The following KCNIP1 variants were observed in gnomAD, a reference collection of about 807,000 sequenced individuals.
The protein encoded by KCNIP1 is potassium voltage-gated channel interacting protein 1.
In KCNIP1, 18 loss-of-function variants were observed where a neutral mutation model predicts 33.0. The ratio of observed to expected loss-of-function variants is 0.55; its 90% CI spans 0.38 to 0.81. KCNIP1 has a LOEUF of 0.81. KCNIP1 is among the 30% of genes least tolerant of loss of function. The pLI is 0.00. For missense variants in KCNIP1, 238 were observed against 271.6 expected, an observed-to-expected ratio of 0.88 and a Z score of 0.87; for synonymous variants, 93 against 98.3, an observed-to-expected ratio of 0.95 and a Z score of 0.32.
intron 7 of KCNIP1, among the ~76,000 whole-genome samples, chr5:170,734,257 A>G (rs558314388): frequency 3.9e-4 from 59 of 152,220 alleles, no homozygotes; most frequent in African/African-American, 1.3e-3. Flanking sequence ...CTGGGGGGAA[A>G]AAAACCTACA....
intron 1 of KCNIP1, among the ~76,000 whole-genome samples, chr5:170,573,674 A>G (rs1024025492): frequency 6.6e-6 from 1 of 152,364 alleles, no homozygotes; most frequent in Admixed American, 6.5e-5. Context: ...ATAATATTTC[A>G]TGACACTTGA....
chr5:170,361,908 T>TG (rs1232572293), intron 1 of KCNIP1, among the ~76,000 whole-genome samples: 9 of 152,214 alleles, frequency 5.9e-5, no homozygotes, highest in African/African-American at 2.2e-4. Context: ...CATGTGAATT[T>TG]GGGGGACGGG....
intron 1 of KCNIP1, among the ~76,000 whole-genome samples, chr5:170,565,657 G>A (rs967609517): frequency 6.6e-6 from 1 of 152,148 alleles, no homozygotes; most frequent in African/African-American, 2.4e-5. Flanking sequence ...TATATAAGAA[G>A]CAATATGCTA....
chr5:170,457,509 C>T (rs568792070), intron 1 of KCNIP1, among the ~76,000 whole-genome samples: 1 of 152,218 alleles, frequency 6.6e-6, no homozygotes, highest in East Asian at 1.9e-4. Flanking sequence ...AGATGGTTTG[C>T]ATCACAGGAC....
intron 1 of KCNIP1, among the ~76,000 whole-genome samples, chr5:170,446,660 T>C (rs932716265): frequency 3.9e-5 from 6 of 152,204 alleles, no homozygotes; most frequent in African/African-American, 1.4e-4. Context: ...CATCCTGATC[T>C]GGAACTCCTG....
intron 1 of KCNIP1, among the ~76,000 whole-genome samples, chr5:170,614,904 T>C (rs1018520927): frequency 1.3e-5 from 2 of 152,204 alleles, no homozygotes; most frequent in African/African-American, 4.8e-5. Context: ...GGTAGGAGCT[T>C]CACAGATGGT....
At chr5:170,445,627 T>G (rs1487874862) in intron 1 of KCNIP1, among the ~76,000 whole-genome samples, 2 of 152,242 alleles carry the variant, frequency 1.3e-5, no homozygotes, top group Non-Finnish European at 2.9e-5. Context: ...AGCTTGGATG[T>G]GAACCTGAAT....
chr5:170,425,313 T>G (rs889389774), intron 1 of KCNIP1, among the ~76,000 whole-genome samples: 1 of 152,226 alleles, frequency 6.6e-6, no homozygotes, highest in Non-Finnish European at 1.5e-5. Context: ...TCTTTTCCCC[T>G]GCATCCAAGT....
chr5:170,437,267 T>C (rs1417052306), intron 1 of KCNIP1, among the ~76,000 whole-genome samples: 1 of 152,096 alleles, frequency 6.6e-6, no homozygotes. Flanking sequence ...ATTCAGGAAA[T>C]TCTTTTATGG....
At chr5:170,414,694 A>G (rs538453376) in intron 1 of KCNIP1, among the ~76,000 whole-genome samples, 48 of 152,382 alleles carry the variant, frequency 3.1e-4, no homozygotes, top group Admixed American at 7.2e-4. Flanking sequence ...GATGTTGACT[A>G]TTGAATGGAT....
intron 1 of KCNIP1, among the ~76,000 whole-genome samples, chr5:170,692,955 GC>G (rs1307464148): frequency 6.6e-6 from 1 of 152,162 alleles, no homozygotes; most frequent in African/African-American, 2.4e-5. Flanking sequence ...ATTTAAAATA[GC>G]ATAGGTTTGA....
chr5:170,557,101 C>T (rs1183938163), intron 1 of KCNIP1, among the ~76,000 whole-genome samples: 2 of 152,200 alleles, frequency 1.3e-5, no homozygotes, highest in Non-Finnish European at 2.9e-5. Context: ...GCTCCAGTCC[C>T]AGCTCTGCCA....
intron 1 of KCNIP1, among the ~76,000 whole-genome samples, chr5:170,602,690 G>T (rs1758742876): frequency 6.6e-6 from 1 of 152,180 alleles, no homozygotes; most frequent in South Asian, 2.1e-4. Flanking sequence ...CAAGGACTAA[G>T]AACAAACCAG....
intron 1 of KCNIP1, among the ~76,000 whole-genome samples, chr5:170,536,509 C>T (rs1427895520): frequency 6.6e-6 from 1 of 152,196 alleles, no homozygotes; most frequent in African/African-American, 2.4e-5. Context: ...CTCTCTCCTT[C>T]TCCAACTCTT....
chr5:170,570,709 G>T (rs111832453), intron 1 of KCNIP1, among the ~76,000 whole-genome samples: 1 of 152,244 alleles, frequency 6.6e-6, no homozygotes, highest in Non-Finnish European at 1.5e-5. Flanking sequence ...GAGCACCAGC[G>T]ACAGACGGCC....
intron 1 of KCNIP1, among the ~76,000 whole-genome samples, chr5:170,701,378 GA>G (rs935903112): frequency 1.4e-4 from 22 of 152,184 alleles, no homozygotes; most frequent in Admixed American, 2.6e-4. Flanking sequence ...GAGAAATTCA[GA>G]AGGGCTGGGA....
At chr5:170,654,477 C>T (rs1761182856) in intron 1 of KCNIP1, among the ~76,000 whole-genome samples, 1 of 152,146 alleles carries the variant, frequency 6.6e-6, no homozygotes, top group South Asian at 2.1e-4. Flanking sequence ...AAACGGGGGG[C>T]ATCGGCTGAA....
chr5:170,597,199 G>C (rs1758468777), intron 1 of KCNIP1, among the ~76,000 whole-genome samples: 1 of 152,162 alleles, frequency 6.6e-6, no homozygotes, highest in South Asian at 2.1e-4. Flanking sequence ...ACGGTGGGTG[G>C]CTGGTTCAAT....
chr5:170,485,851 G>C (rs1434508408), intron 1 of KCNIP1: 1 of 152,576 alleles, frequency 6.6e-6, no homozygotes. Context: ...GGAAAAGGCT[G>C]CTTTTGCCCT....
Sources: gnomAD v4.1 joint callset for allele counts (sites outside exome capture counted in the v4.1 genomes callset) on GRCh38, gnomAD v4.1.1 for gene constraint, MANE v1.5 for transcripts, NCBI Gene and HGNC (gene_info 2026-07-23, HGNC 2026-07-21) for gene names.